Variants in FAAH2 observed in about 807,000 individuals in gnomAD.
FAAH2 encodes the protein fatty acid amide hydrolase 2.
In FAAH2, 60 loss-of-function variants were observed where a neutral mutation model predicts 36.9. That is an observed-to-expected ratio of 1.63 (90% CI 1.32 to 2.02). The LOEUF (loss-of-function observed/expected upper bound fraction) is 2.02. Ranked by LOEUF, FAAH2 falls within the 30% of genes most tolerant of loss-of-function variation. The pLI, the probability that FAAH2 is intolerant of heterozygous loss-of-function variation, is 0.00. For synonymous variants in FAAH2, 214 were observed against 143.8 expected (o/e 1.49, Z -3.49); for missense variants, 689 against 397.5 (o/e 1.73, Z -6.23).
At chrX:57,352,063 TATAC>T (rs1569283855) in intron 5 of FAAH2, among the ~76,000 whole-genome samples, 1,107 of 38,119 alleles carry the variant, frequency 0.029, 178 homozygotes, top group African/African-American at 0.077. Flanking sequence ...TATATATATA[TATAC>T]ACATATATAT....
At chrX:57,437,423 A>C (rs1222342386) in intron 8 of FAAH2, among the ~76,000 whole-genome samples, 2 of 110,517 alleles carry the variant, frequency 1.8e-5, no homozygotes, top group African/African-American at 6.5e-5. Flanking sequence ...CAAACTGGAA[A>C]AGAGGAAGTG....
the FAAH2 span, among the ~76,000 whole-genome samples, chrX:57,130,857 C>T: frequency 2.7e-4 from 30 of 112,184 alleles, no homozygotes; most frequent in Non-Finnish European, 5.6e-4. Flanking sequence ...AAATATCTAA[C>T]CTCTAACTAC....
At chrX:57,442,438 T>C (rs1382505514) in intron 8 of FAAH2, among the ~76,000 whole-genome samples, 1 of 110,319 alleles carries the variant, frequency 9.1e-6, no homozygotes, top group Non-Finnish European at 1.9e-5. Flanking sequence ...CAACCTCTGC[T>C]TTTTTTTGTT....
At chrX:57,203,951 G>A in the FAAH2 span, among the ~76,000 whole-genome samples, 6 of 111,299 alleles carry the variant, frequency 5.4e-5, no homozygotes, top group African/African-American at 2.0e-4. Context: ...AGGTTGAGGT[G>A]CCACTATACT....
At chrX:57,217,550 A>T in the FAAH2 span, among the ~76,000 whole-genome samples, 1 of 111,677 alleles carries the variant, frequency 9.0e-6, no homozygotes, top group East Asian at 2.8e-4. Context: ...TCTTTTCCCC[A>T]CTTTATGCTT....
At chrX:57,392,763 A>T (rs2055196846) in intron 7 of FAAH2, 1 of 612,802 alleles carries the variant, frequency 1.6e-6, no homozygotes, top group African/African-American at 2.2e-5. Context: ...ACCAGCCCCG[A>T]TGCTGGCATG....
intron 5 of FAAH2, among the ~76,000 whole-genome samples, chrX:57,351,240 C>T (rs1254800620): frequency 4.5e-5 from 5 of 111,141 alleles, no homozygotes. Flanking sequence ...TTGTGAATGA[C>T]CATTGGGTCA....
At chrX:57,323,492 C>T (rs531401938) in intron 3 of FAAH2, among the ~76,000 whole-genome samples, 6 of 111,350 alleles carry the variant, frequency 5.4e-5, no homozygotes, top group African/African-American at 1.6e-4. Context: ...CTCTCCAGCA[C>T]CTGTTGTTCC....
At chrX:57,353,159 T>TA (rs2054069553) in intron 5 of FAAH2, among the ~76,000 whole-genome samples, 1 of 108,822 alleles carries the variant, frequency 9.2e-6, no homozygotes, top group Non-Finnish European at 1.9e-5. Context: ...TGAGCAAAAA[T>TA]AAAAAAGCTA....
chrX:57,439,105 G>C (rs886919873), intron 8 of FAAH2, among the ~76,000 whole-genome samples: 6 of 110,480 alleles, frequency 5.4e-5, no homozygotes, highest in African/African-American at 1.7e-4. Context: ...ATAATCCTTT[G>C]GGTATATACC....
At chrX:57,414,419 G>A (rs977941118) in intron 7 of FAAH2, among the ~76,000 whole-genome samples, 4 of 111,877 alleles carry the variant, frequency 3.6e-5, no homozygotes, top group East Asian at 5.6e-4. Flanking sequence ...AGAGCTTTTA[G>A]CATGAAAGGG....
At chrX:57,328,254 G>A (rs773290558) in intron 3 of FAAH2, among the ~76,000 whole-genome samples, 2 of 111,544 alleles carry the variant, frequency 1.8e-5, no homozygotes, top group African/African-American at 3.3e-5. Context: ...CCCCTACTTG[G>A]GGGTGCCTCC....
At chrX:57,381,128 A>G (rs978210162) in intron 7 of FAAH2, 99 bp downstream of exon 7, 1 of 606,697 alleles carries the variant, frequency 1.6e-6, no homozygotes, top group Non-Finnish European at 2.6e-6. Flanking sequence ...CTGTGTCAGC[A>G]TACGGAATTA....
intron 7 of FAAH2, chrX:57,395,369 G>A (rs1287082889): frequency 2.0e-5 from 14 of 700,279 alleles, no homozygotes; most frequent in Non-Finnish European, 3.2e-5. Flanking sequence ...CCTTATTTGT[G>A]CGGAGATCTC....
rs747635601 is a variant in FAAH2, at chrX:57,394,164, C to A, written c.996+13135C>A. The A allele has an allele frequency of 4.6e-6, 3 of 653,457 alleles. No individual in the cohort carries two copies. In the Admixed American group the frequency reaches 6.7e-5, roughly 15 times the overall value. 53.9% of individuals were successfully genotyped at this position (653,457 alleles called of 1,213,427 possible). On this transcript the variant is annotated intron_variant, in intron 7 of 10. Coordinates refer to ENST00000374900, the MANE Select transcript of FAAH2 (RefSeq NM_174912.4). Reference sequence around the variant, plus strand: ...TCCATAGGAATGACCTGGGAGTAGCCGCCTCCTGCAACACCACCTTTTATT... The same window carrying A: ...TCCATAGGAATGACCTGGGAGTAGCAGCCTCCTGCAACACCACCTTTTATT...
At chrX:57,346,015 A>G (rs1403323448) in intron 5 of FAAH2, among the ~76,000 whole-genome samples, 1 of 111,204 alleles carries the variant, frequency 9.0e-6, no homozygotes, top group South Asian at 3.7e-4. Context: ...ATTTTTTTGA[A>G]TTTATTGAGA....
chrX:57,271,194 T>A, the FAAH2 span, among the ~76,000 whole-genome samples: 1 of 112,566 alleles, frequency 8.9e-6, no homozygotes, highest in Non-Finnish European at 1.9e-5. Context: ...GGTTTTATGA[T>A]CACAGTGTAA....
At chrX:57,301,577 C>T (rs949725147) in intron 2 of FAAH2, among the ~76,000 whole-genome samples, 2 of 102,978 alleles carry the variant, frequency 1.9e-5, no homozygotes, top group Non-Finnish European at 3.9e-5. Flanking sequence ...CAAACCTGCA[C>T]GTTGTGCACA....
In FAAH2 at chrX:57,312,026, G is replaced by T. The variant is rs1057349831; in HGVS notation, c.412+1297G>T. Among the ~76,000 whole-genome samples, 5 of 112,076 alleles carry T rather than the reference G, an allele frequency of 4.5e-5. No homozygotes were observed. The Admixed American group carries it at 4.7e-4, about 11-fold the overall frequency. ...GGGGCATGCCTCCCTCCACAGGGTG[G>T]GTCCATAGAGTGTGGCATATCTCTG... On this transcript the variant is annotated intron_variant, in intron 3 of 10. Coordinates refer to ENST00000374900, the MANE Select transcript of FAAH2 (RefSeq NM_174912.4).
Sources: gnomAD v4.1 joint callset for allele counts (sites outside exome capture counted in the v4.1 genomes callset) on GRCh38, gnomAD v4.1.1 for gene constraint, MANE v1.5 for transcripts, NCBI Gene and HGNC (gene_info 2026-07-23, HGNC 2026-07-21) for gene names.